CNOT2: variants seen among roughly 807,000 people sequenced by gnomAD.
CNOT2 encodes CCR4-NOT transcription complex subunit 2, also known as CC chemokine receptor 4-negative regulator of transcription 2.
Under a neutral mutation model 72.1 loss-of-function variants are expected in CNOT2, and 7 were observed. The observed-to-expected ratio is 0.10, with a 90% CI of 0.06 to 0.18. The LOEUF (loss-of-function observed/expected upper bound fraction) is 0.18. CNOT2 is among the 10% of genes least tolerant of loss of function. CNOT2 has a pLI of 1.00. For synonymous variants in CNOT2, 196 were observed against 225.6 expected (o/e 0.87, Z 1.17); for missense variants, 345 against 660.3 (o/e 0.52, Z 5.23).
At chr12:70,339,068 G>A (rs958911117) in intron 11 of CNOT2, among the ~76,000 whole-genome samples, 13 of 124,016 alleles carry the variant, frequency 1.0e-4, no homozygotes, top group Admixed American at 6.2e-4. Context: ...ATGTATATAT[G>A]TGTGTGTGTA....
chr12:70,257,804 T>C (rs1454824728), intron 1 of CNOT2, among the ~76,000 whole-genome samples: 2 of 152,202 alleles, frequency 1.3e-5, no homozygotes, highest in Admixed American at 1.3e-4. Flanking sequence ...TTAATGTATA[T>C]TGAAAACTCG....
At chr12:70,270,576 A>G (rs56970859) in intron 1 of CNOT2, among the ~76,000 whole-genome samples, 21,903 of 152,066 alleles carry the variant, frequency 0.14, 1,913 homozygotes, top group Admixed American at 0.28. Context: ...TCCTCCTCAT[A>G]GGAAAATATC....
chr12:70,349,656 C>G (rs1882628921), intron 15 of CNOT2, among the ~76,000 whole-genome samples: 2 of 152,068 alleles, frequency 1.3e-5, no homozygotes, highest in African/African-American at 2.4e-5. Flanking sequence ...GTTCTAGAAT[C>G]CAATCCATTA....
intron 3 of CNOT2, among the ~76,000 whole-genome samples, chr12:70,314,461 G>A (rs1483936599): frequency 1.3e-5 from 2 of 152,000 alleles, no homozygotes; most frequent in African/African-American, 2.4e-5. Flanking sequence ...CTGTAATTAA[G>A]ACAGACTGTA....
At chr12:70,350,954 A>G (rs903569677) in intron 15 of CNOT2, among the ~76,000 whole-genome samples, 2 of 152,206 alleles carry the variant, frequency 1.3e-5, no homozygotes, top group South Asian at 2.1e-4. Flanking sequence ...TTATTTGACT[A>G]TATGAATCCA....
At chr12:70,283,756 A>C (rs1870336570) in intron 2 of CNOT2, among the ~76,000 whole-genome samples, 1 of 151,416 alleles carries the variant, frequency 6.6e-6, no homozygotes, top group African/African-American at 2.4e-5. Flanking sequence ...ACATGTTATC[A>C]CTAGCCAGAG....
chr12:70,278,865 T>C (rs1869329982), intron 2 of CNOT2, among the ~76,000 whole-genome samples: 1 of 152,190 alleles, frequency 6.6e-6, no homozygotes, highest in Non-Finnish European at 1.5e-5. Context: ...ATAGTGGAAA[T>C]GTAACATTGC....
chr12:70,259,785 C>G (rs1160590838), intron 1 of CNOT2, among the ~76,000 whole-genome samples: 2 of 152,098 alleles, frequency 1.3e-5, no homozygotes, highest in East Asian at 3.8e-4. Flanking sequence ...CCCAGTTTTG[C>G]CGCTTTCCTT....
chr12:70,258,211 A>G (rs532527233), intron 1 of CNOT2, among the ~76,000 whole-genome samples: 4 of 152,226 alleles, frequency 2.6e-5, no homozygotes, highest in Non-Finnish European at 4.4e-5. Context: ...TCCTGGGAAG[A>G]AAAAGTAAAT....
At chr12:70,330,565 C>A in intron 6 of CNOT2, 96 bp downstream of exon 6, 1 of 721,454 alleles carries the variant, frequency 1.4e-6, no homozygotes, top group Non-Finnish European at 2.3e-6. Context: ...TGTGGCTTCT[C>A]TCTAATAAGT....
At chr12:70,262,132 C>G (rs1958800071) in intron 1 of CNOT2, among the ~76,000 whole-genome samples, 1 of 151,422 alleles carries the variant, frequency 6.6e-6, no homozygotes. Context: ...CAAAGTTTGT[C>G]AATCTCTTTA....
intron 2 of CNOT2, among the ~76,000 whole-genome samples, chr12:70,289,666 T>C (rs1479166713): frequency 6.6e-6 from 1 of 152,156 alleles, no homozygotes; most frequent in African/African-American, 2.4e-5. Context: ...AGGATAGTTT[T>C]TATTACTGTT....
chr12:70,283,486 T>TAGATAGAC (rs1209619327), intron 2 of CNOT2, among the ~76,000 whole-genome samples: 2 of 151,082 alleles, frequency 1.3e-5, no homozygotes, highest in African/African-American at 4.9e-5. Context: ...GATAGATAGA[T>TAGATAGAC]AGATAGATAG....
intron 2 of CNOT2, among the ~76,000 whole-genome samples, chr12:70,292,723 C>T (rs1346732775): frequency 2.6e-5 from 4 of 152,020 alleles, no homozygotes; most frequent in African/African-American, 7.3e-5. Flanking sequence ...ACCTCTATTC[C>T]GTTTGATTTC....
intron 1 of CNOT2, among the ~76,000 whole-genome samples, chr12:70,261,143 T>C (rs557024674): frequency 1.3e-4 from 20 of 151,898 alleles, no homozygotes; most frequent in Non-Finnish European, 2.6e-4. Context: ...GATGATCATG[T>C]GGTTGTTCTA....
rs1880583891 is a variant in CNOT2 at position 70,335,686 on chromosome 12, C to A, written c.775+123C>A. 5 of 668,334 alleles carry A rather than the reference C, an allele frequency of 7.5e-6. No individual in the cohort carries two copies. In the South Asian group the frequency reaches 7.5e-5, roughly 10 times the overall value. The allele number at this position is 668,334 out of a possible 1,614,324, so 41.4% of individuals were successfully genotyped here. ...CACATGTATGTTTGCATTTTCTAAT[C>A]AGGTTAGTGTAATTTTTTCAGAATT... On this transcript the variant is annotated intron_variant, in intron 8 of 15. Transcript: ENST00000229195.
At chr12:70,293,200 AC>A (rs1380063150) in intron 2 of CNOT2, among the ~76,000 whole-genome samples, 3 of 146,036 alleles carry the variant, frequency 2.1e-5, no homozygotes, top group Non-Finnish European at 3.0e-5. Flanking sequence ...TGCTCTTATC[AC>A]CCAGGCTGGA....
intron 1 of CNOT2, among the ~76,000 whole-genome samples, chr12:70,262,699 A>G (rs973486657): frequency 6.6e-6 from 1 of 151,218 alleles, no homozygotes; most frequent in Non-Finnish European, 1.5e-5. Context: ...TTTGCGATGG[A>G]GTCTTTCTCT....
At chr12:70,269,697 A>G (rs1052012754) in intron 1 of CNOT2, among the ~76,000 whole-genome samples, 1 of 152,206 alleles carries the variant, frequency 6.6e-6, no homozygotes, top group Non-Finnish European at 1.5e-5. Context: ...CTCTAGCACC[A>G]CTGTGGCTTG....
Sources: gnomAD v4.1 joint callset for allele counts (sites outside exome capture counted in the v4.1 genomes callset) on GRCh38, gnomAD v4.1.1 for gene constraint, MANE v1.5 for transcripts, NCBI Gene and HGNC (gene_info 2026-07-23, HGNC 2026-07-21) for gene names.